Variants in RFFL observed in about 807,000 individuals in gnomAD.
RFFL encodes E3 ubiquitin-protein ligase rififylin.
Under a neutral mutation model 40.4 loss-of-function variants are expected in RFFL, and 16 were observed. The observed-to-expected ratio is 0.40, with a 90% CI of 0.27 to 0.60. The LOEUF is 0.60. RFFL is among the 20% of genes least tolerant of loss of function. The pLI, the probability that RFFL is intolerant of heterozygous loss-of-function variation, is 0.47. For synonymous variants in RFFL, 154 were observed against 167.9 expected (o/e 0.92, Z 0.64); for missense variants, 367 against 451.7 (o/e 0.81, Z 1.70).
intron 1 of RFFL, among the ~76,000 whole-genome samples, chr17:35,030,006 A>G (rs1305413236): frequency 6.7e-6 from 1 of 150,342 alleles, no homozygotes; most frequent in Non-Finnish European, 1.5e-5. Context: ...CCATGTCCCT[A>G]CAAAGGACAT....
At chr17:35,037,711 T>G (rs1213613517) in intron 1 of RFFL, among the ~76,000 whole-genome samples, 1 of 152,212 alleles carries the variant, frequency 6.6e-6, no homozygotes, top group South Asian at 2.1e-4. Context: ...AGCCAAGCTT[T>G]GAACCTTGGT....
chr17:35,063,645 C>A lies in RFFL; in HGVS notation c.-78G>T, dbSNP rs991207316. 1 of 152,128 alleles carries A rather than the reference C, an allele frequency of 6.6e-6. No homozygotes were observed. Among genetic ancestry groups the A allele is most frequent in the Non-Finnish European group, 1.5e-5 (1 of 68,064 alleles). 9.4% of individuals were successfully genotyped at this position (152,128 alleles called of 1,614,324 possible). ...TGTCTCTAGTTCCTGTGGCTGAGGT[C>A]GCTGGAGCCATGTTCAGATGAGATC... On this transcript the variant is annotated 5_prime_UTR_variant, in exon 1 of 7. Transcript: ENST00000394597.
At chr17:35,047,177 G>A (rs1411669559) in intron 1 of RFFL, among the ~76,000 whole-genome samples, 2 of 152,152 alleles carry the variant, frequency 1.3e-5, no homozygotes, top group East Asian at 3.9e-4. Flanking sequence ...CTGACTAATG[G>A]GTAACCAGGA....
Position 35,009,351 on chromosome 17 carries a change from A to T in RFFL, c.*2617T>A, listed in dbSNP as rs1429524253. The T allele has an allele frequency of 6.6e-6, 1 of 152,262 alleles. No homozygotes were observed. The highest frequency in any genetic ancestry group is 1.5e-5 in the Non-Finnish European group (1 of 68,032). The allele number at this position is 152,262 out of a possible 1,614,324, so 9.4% of individuals were successfully genotyped here. A position where few individuals can be genotyped will look rare whatever the true frequency, so the allele number is the denominator to read the frequency against. ...CAACTATTCCAATGTATTATGAACC[A>T]GTCAGCTATCTGTCTTTTGAAACAA... On this transcript the variant is annotated 3_prime_UTR_variant, in exon 7 of 7. Coordinates refer to ENST00000394597, the MANE Select transcript of RFFL (RefSeq NM_001017368.2).
chr17:35,037,788 T>C (rs2091133029), intron 1 of RFFL, among the ~76,000 whole-genome samples: 1 of 152,192 alleles, frequency 6.6e-6, no homozygotes, highest in South Asian at 2.1e-4. Flanking sequence ...TCAATCTGTC[T>C]ACCCTGTGGC....
chr17:35,018,627 A>C (rs2090989021), intron 3 of RFFL: 3 of 152,204 alleles, frequency 2.0e-5, no homozygotes, highest in Admixed American at 6.5e-5. Context: ...CCAGCCACTC[A>C]CCCCACATTA....
chr17:35,045,354 T>G (rs1479170230), intron 1 of RFFL, among the ~76,000 whole-genome samples: 2 of 151,944 alleles, frequency 1.3e-5, no homozygotes, highest in African/African-American at 4.8e-5. Context: ...TGCTTCAGCC[T>G]CCTGAGTAGC....
rs2090925589 is a variant in RFFL at position 35,009,959 on chromosome 17, G to A, written c.*2009C>T. On this transcript the variant is annotated 3_prime_UTR_variant, in exon 7 of 7. Coordinates refer to ENST00000394597, the MANE Select transcript of RFFL (RefSeq NM_001017368.2). Reference sequence around the variant, plus strand: ...AGTATTTACTGCCCATGACAAAAGTGGAAAGGGATGTCTTCATGAGCAAAT... The same window carrying A: ...AGTATTTACTGCCCATGACAAAAGTAGAAAGGGATGTCTTCATGAGCAAAT... The A allele has an allele frequency of 2.0e-5, 3 of 152,624 alleles. No homozygotes were observed. The highest frequency in any genetic ancestry group is 2.0e-4 in the Admixed American group (3 of 15,282). 9.5% of individuals were successfully genotyped at this position (152,624 alleles called of 1,614,324 possible).
At chr17:35,033,154 G>A (rs1295910373) in intron 1 of RFFL, among the ~76,000 whole-genome samples, 1 of 152,018 alleles carries the variant, frequency 6.6e-6, no homozygotes, top group East Asian at 1.9e-4. Flanking sequence ...CTGCTGAGGA[G>A]TCCCCAAAAG....
intron 1 of RFFL, among the ~76,000 whole-genome samples, chr17:35,055,374 TAA>T (rs770462568): frequency 1.3e-5 from 2 of 151,994 alleles, no homozygotes; most frequent in Non-Finnish European, 1.5e-5. Context: ...GACAGAAATA[TAA>T]CTTTAATTAA....
At chr17:35,059,136 G>A (rs983810809) in intron 1 of RFFL, among the ~76,000 whole-genome samples, 6 of 150,088 alleles carry the variant, frequency 4.0e-5, no homozygotes, top group Admixed American at 2.0e-4. Context: ...CTCCTGCCTC[G>A]GCCTCCCAAG....
At chr17:35,063,888 C>T (rs1273223633), upstream of RFFL, 1 of 152,206 alleles carries the variant, frequency 6.6e-6, no homozygotes. Flanking sequence ...TGTTTTAAAT[C>T]AAGTGCTGAT....
Position 35,012,057 on chromosome 17 carries a change from C to T in RFFL, c.1003G>A (p.Val335Ile). 1.2e-6 allele frequency: 2 copies of T among 1,614,112 alleles called. No individual in the cohort carries two copies. Among genetic ancestry groups the T allele is most frequent in the Non-Finnish European group, 1.7e-6 (2 of 1,179,990 alleles). The change falls in exon 7 of 7, where the codon GTA becomes ATA. Residue 335 changes from valine to isoleucine, a missense_variant. Val to Ile is a conservative substitution (Grantham distance 29). Transcript: ENST00000394597. Reference protein sequence around the residue: ...DCVLLECGHMVTCTKCGKRMN... With the variant: ...DCVLLECGHMITCTKCGKRMN... ...CGCTTGCCACACTTGGTACAGGTTA[C>T]CATGTGGCCACACTCCAGAAGAACA...
intron 4 of RFFL, 99 bp downstream of exon 4, chr17:35,017,424 C>T: frequency 1.3e-6 from 1 of 780,150 alleles, no homozygotes; most frequent in Non-Finnish European, 2.2e-6. Context: ...GCACTATCAT[C>T]ACACATTTAT....
At chr17:35,019,431 G>T (rs1026338079) in intron 3 of RFFL, among the ~76,000 whole-genome samples, 1 of 152,128 alleles carries the variant, frequency 6.6e-6, no homozygotes, top group African/African-American at 2.4e-5. Context: ...CCAGGCTGGA[G>T]TGTGGTGGCA....
intron 1 of RFFL, among the ~76,000 whole-genome samples, chr17:35,070,802 A>T (rs1169398176): frequency 6.6e-6 from 1 of 152,196 alleles, no homozygotes; most frequent in East Asian, 1.9e-4. Context: ...GAGAGCTAAA[A>T]ATACAACTCA....
intron 1 of RFFL, among the ~76,000 whole-genome samples, chr17:35,046,730 G>A (rs1422563381): frequency 6.6e-6 from 1 of 152,098 alleles, no homozygotes; most frequent in Non-Finnish European, 1.5e-5. Context: ...ATCTGCAGAG[G>A]GACCTCAGCA....
chr17:35,060,368 T>C (rs12946707), intron 1 of RFFL, among the ~76,000 whole-genome samples: 3,820 of 152,170 alleles, frequency 0.025, 162 homozygotes, highest in African/African-American at 0.086. Flanking sequence ...AAAGGCACCA[T>C]TTCTGTGGAA....
chr17:35,067,701 C>G (rs992915951), upstream of RFFL, among the ~76,000 whole-genome samples: 3 of 151,862 alleles, frequency 2.0e-5, no homozygotes, highest in Non-Finnish European at 4.4e-5. Context: ...GTGATCCGCC[C>G]GTCTCAGCCT....
Sources: allele counts gnomAD v4.1 joint callset (sites outside exome capture counted in the v4.1 genomes callset), GRCh38; gene constraint gnomAD v4.1.1; transcripts MANE v1.5; gene names NCBI Gene and HGNC (gene_info 2026-07-23, HGNC 2026-07-21).